NEMP2: variants seen among roughly 807,000 people sequenced by gnomAD.
NEMP2 encodes UPF0571 transmembrane protein.
In NEMP2, 53 loss-of-function variants were observed where a neutral mutation model predicts 54.2. The observed-to-expected ratio is 0.98, with a 90% confidence interval of 0.78 to 1.23. NEMP2 has a LOEUF of 1.23. Ranked by LOEUF, NEMP2 falls within the 50% of genes most tolerant of loss-of-function variation. The pLI is 0.00. For missense variants in NEMP2, 455 were observed against 511.3 expected (o/e 0.89, Z 1.06); for synonymous variants, 197 against 190.3 (o/e 1.04, Z -0.29).
the NEMP2 span, among the ~76,000 whole-genome samples, chr2:190,622,357 A>G: frequency 1.0e-4 from 15 of 149,906 alleles, no homozygotes; most frequent in East Asian, 2.8e-3. Context: ...GCAGTGAGCT[A>G]TAGTCATGCC....
intron 1 of NEMP2, 167 bp downstream of exon 1, chr2:190,534,391 AG>A (rs1691282642): frequency 8.3e-7 from 1 of 1,211,246 alleles, no homozygotes; most frequent in Admixed American, 4.4e-5. Context: ...CCAGTAAGAC[AG>A]GAAGGGCGGG....
chr2:190,436,361 A>T, the NEMP2 span: 1 of 1,614,210 alleles, frequency 6.2e-7, no homozygotes, highest in Non-Finnish European at 8.5e-7. The surrounding 1 kb of genome is among the most constrained non-coding windows in gnomAD (Gnocchi z 5.3). Flanking sequence ...GGTATTCGTT[A>T]CTTCATTGAA....
chr2:190,648,553 A>G, the NEMP2 span: 1 of 139,178 alleles, frequency 7.2e-6, no homozygotes, highest in Non-Finnish European at 1.5e-5. Flanking sequence ...TCAGCCTCCT[A>G]GAGGATGTTG....
the NEMP2 span, chr2:190,610,844 G>A: frequency 6.6e-6 from 1 of 152,114 alleles, no homozygotes; most frequent in Non-Finnish European, 1.5e-5. This position sits in a 1 kb window ranked among gnomAD's most constrained non-coding sequence, Gnocchi z 5.4. Context: ...AACATTTTAA[G>A]CAAAAAGTCA....
At chr2:190,477,331 C>A in the NEMP2 span, 1 of 984,608 alleles carries the variant, frequency 1.0e-6, no homozygotes. Flanking sequence ...GGCTTAATTG[C>A]TTTATTTATT....
rs889215080 is a variant in NEMP2 at position 190,513,107 on chromosome 2, T to G, written c.953+1346A>C. 6.6e-6 allele frequency among the ~76,000 whole-genome samples: 1 copy of G among 152,316 alleles called. No individual in the cohort carries two copies. The highest frequency in any genetic ancestry group is 6.5e-5 in the Admixed American group (1 of 15,302). ...GTTCTCCTGCCACAGGGGCCTCCCC[T>G]TTATATCCACCTGCTGTGCCAGAAG... is the stretch of plus-strand genomic sequence containing the variant. On this transcript the variant is annotated intron_variant, in intron 7 of 8. Transcript: ENST00000409150. The surrounding 1 kb of genome is among the most constrained non-coding windows in gnomAD (Gnocchi z 5.3).
the NEMP2 span, among the ~76,000 whole-genome samples, chr2:190,587,073 G>C: frequency 1.3e-5 from 2 of 152,116 alleles, no homozygotes; most frequent in Non-Finnish European, 2.9e-5. This position sits in a 1 kb window ranked among gnomAD's most constrained non-coding sequence, Gnocchi z 5.4. Flanking sequence ...GTCACCGGCT[G>C]TTCAAGTGCC....
At chr2:190,545,073 T>C in the NEMP2 span, among the ~76,000 whole-genome samples, 1 of 151,986 alleles carries the variant, frequency 6.6e-6, no homozygotes, top group South Asian at 2.1e-4. Context: ...TGCATTCCAA[T>C]CTGGGCAACA....
chr2:190,636,488 A>C, the NEMP2 span, among the ~76,000 whole-genome samples: 1 of 152,244 alleles, frequency 6.6e-6, no homozygotes, highest in African/African-American at 2.4e-5. Context: ...CCCTCTGATT[A>C]TACAGGGGCA....
At chr2:190,488,826 T>A in the NEMP2 span, 1 of 1,539,690 alleles carries the variant, frequency 6.5e-7, no homozygotes, top group Non-Finnish European at 8.7e-7. The surrounding 1 kb of genome is among the most constrained non-coding windows in gnomAD (Gnocchi z 6.4). Context: ...TTGGTAAGAA[T>A]GGCTTTCTCC....
the NEMP2 span, among the ~76,000 whole-genome samples, chr2:190,576,194 T>C: frequency 9.9e-5 from 15 of 152,190 alleles, no homozygotes; most frequent in East Asian, 7.7e-4. Flanking sequence ...TAGTCTTGAA[T>C]TTCTGGTCTC....
At chr2:190,612,548 C>T in the NEMP2 span, among the ~76,000 whole-genome samples, 1 of 152,010 alleles carries the variant, frequency 6.6e-6, no homozygotes, top group Non-Finnish European at 1.5e-5. Context: ...TCTTTAATAC[C>T]TTTTTGCATA....
chr2:190,636,792 G>A, the NEMP2 span, among the ~76,000 whole-genome samples: 9 of 152,302 alleles, frequency 5.9e-5, no homozygotes, highest in Middle Eastern at 3.4e-3. Flanking sequence ...CACCTTATTT[G>A]TCACATCTCT....
chr2:190,517,112 G>T (rs113366717), intron 5 of NEMP2, among the ~76,000 whole-genome samples: 26,806 of 121,314 alleles, frequency 0.22, 3,047 homozygotes, highest in Admixed American at 0.41. Context: ...AAAAAAAAAA[G>T]AAGGTGGGTT....
At chr2:190,475,475 A>G in the NEMP2 span, among the ~76,000 whole-genome samples, 1 of 152,192 alleles carries the variant, frequency 6.6e-6, no homozygotes. Flanking sequence ...CTTCAAAGAG[A>G]ATAAAATACC....
chr2:190,564,625 A>G, the NEMP2 span, among the ~76,000 whole-genome samples: 1 of 152,198 alleles, frequency 6.6e-6, no homozygotes, highest in African/African-American at 2.4e-5. The surrounding 1 kb of genome is among the most constrained non-coding windows in gnomAD (Gnocchi z 4.2). Context: ...CCCCACCTAA[A>G]GCAAAGCTTC....
the NEMP2 span, among the ~76,000 whole-genome samples, chr2:190,550,137 C>T: frequency 6.6e-6 from 1 of 152,152 alleles, no homozygotes; most frequent in Non-Finnish European, 1.5e-5. This position sits in a 1 kb window ranked among gnomAD's most constrained non-coding sequence, Gnocchi z 4.7. Flanking sequence ...ATGACAGTGT[C>T]TTAATCTGTT....
chr2:190,644,147 C>CTGAA, the NEMP2 span, among the ~76,000 whole-genome samples: 33,022 of 151,834 alleles, frequency 0.22, 3,672 homozygotes, highest in Non-Finnish European at 0.25. This position sits in a 1 kb window ranked among gnomAD's most constrained non-coding sequence, Gnocchi z 4.4. Context: ...AGGCTCTGAG[C>CTGAA]TGAAGCCTGT....
chr2:190,511,521 ATT>A (rs1251265625), intron 7 of NEMP2, among the ~76,000 whole-genome samples: 1 of 148,326 alleles, frequency 6.7e-6, no homozygotes, highest in Non-Finnish European at 1.5e-5. Context: ...TTTTTAAAAC[ATT>A]TGTTTTATTT....
Sources: gnomAD v4.1 joint callset for allele counts (sites outside exome capture counted in the v4.1 genomes callset) on GRCh38, gnomAD v4.1.1 for gene constraint, Gnocchi (gnomAD v3.1) non-coding constraint, MANE v1.5 for transcripts, NCBI Gene and HGNC (gene_info 2026-07-23, HGNC 2026-07-21) for gene names.